NUMB: variants seen among roughly 807,000 people sequenced by gnomAD.
The protein encoded by NUMB is protein numb homolog.
A neutral mutation model predicts 59.7 loss-of-function variants in NUMB; 29 were observed. The ratio of observed to expected loss-of-function variants is 0.49; its 90% CI spans 0.36 to 0.66. NUMB has a LOEUF of 0.66. Among genes scored for constraint, NUMB ranks in the 30% least tolerant of loss-of-function variants. The probability of loss-of-function intolerance (pLI) is 0.00; values close to 1 mark genes in which losing one functional copy is unlikely to be tolerated. For synonymous variants in NUMB, 288 were observed against 288.2 expected (o/e 1.00, Z 0.01); for missense variants, 723 against 822.0 (o/e 0.88, Z 1.47).
At chr14:73,414,718 G>A (rs1300662790) in intron 1 of NUMB, among the ~76,000 whole-genome samples, 1 of 152,004 alleles carries the variant, frequency 6.6e-6, no homozygotes, top group Non-Finnish European at 1.5e-5. Context: ...CTGGGGGCGG[G>A]TGCGGGGGGG....
chr14:73,432,900 CAGAA>C lies in NUMB; in HGVS notation c.-232-22836_-232-22833del, dbSNP rs533618998. On this transcript the variant is annotated intron_variant, in intron 1 of 12. Coordinates refer to ENST00000555238, the MANE Select transcript of NUMB (RefSeq NM_001005743.2). Reference sequence around the variant, plus strand: ...CTGTGGTCTCAGTATGCAGGGAACTCAGAAAGAAAGAAGAGAATTTTTGACCAGA... The same window carrying C: ...CTGTGGTCTCAGTATGCAGGGAACTCAGAAAGAAGAGAATTTTTGACCAGA... Among the ~76,000 whole-genome samples the C allele has an allele frequency of 1.6e-3, 246 of 152,182 alleles. 2 individuals are homozygous for C. The highest frequency in any genetic ancestry group is 2.7e-3 in the Non-Finnish European group (184 of 68,018).
chr14:73,276,919 A>G lies in NUMB; in HGVS notation c.1615T>C (p.Phe539Leu). The G allele has an allele frequency of 1.2e-6, 2 of 1,614,136 alleles. No individual in the cohort carries two copies. Among genetic ancestry groups the G allele is most frequent in the African/African-American group, 1.3e-5 (1 of 75,040 alleles). ...ITPSQMVANV[F>L]GTAGHPQAAH... The stretch of plus-strand genomic sequence containing the variant: ...GCCTGAGGGTGGCCTGCAGTGCCAA[A>G]TACGTTGGCCACCATCTGGGAGGGA... Residue 539 changes from phenylalanine (F) to leucine (L), a missense_variant, in exon 13 of 13, where the codon TTT becomes CTT. Physicochemically the swap from Phe to Leu is conservative, Grantham distance 22. Around this residue, in one of 2 missense-constraint regions of NUMB, gnomAD observed 406 missense variants for 385.4 expected, o/e 1.05. Coordinates refer to ENST00000555238, the MANE Select transcript of NUMB (RefSeq NM_001005743.2).
intron 4 of NUMB, among the ~76,000 whole-genome samples, chr14:73,323,953 A>T (rs955519148): frequency 6.6e-6 from 1 of 152,152 alleles, no homozygotes; most frequent in Non-Finnish European, 1.5e-5. Context: ...CCAAGGTCTG[A>T]CCTTCTCTTG....
chr14:73,445,290 G>A (rs1883391334), intron 1 of NUMB, among the ~76,000 whole-genome samples: 1 of 133,482 alleles, frequency 7.5e-6, no homozygotes, highest in Non-Finnish European at 1.5e-5. Context: ...AGGAGTTTAA[G>A]GCTGCAGTTA....
chr14:73,320,633 A>T (rs997645289), intron 5 of NUMB, among the ~76,000 whole-genome samples: 2 of 152,206 alleles, frequency 1.3e-5, no homozygotes, highest in Non-Finnish European at 2.9e-5. Flanking sequence ...ATAATATTTG[A>T]TTATGGTTAT....
chr14:73,303,697 A>T (rs1008168471), intron 6 of NUMB, among the ~76,000 whole-genome samples: 1 of 152,240 alleles, frequency 6.6e-6, no homozygotes, highest in Non-Finnish European at 1.5e-5. Flanking sequence ...CGCTGCTCTA[A>T]CACTTTCTAC....
chr14:73,397,702 A>G (rs1210189461), intron 2 of NUMB, among the ~76,000 whole-genome samples: 5 of 152,244 alleles, frequency 3.3e-5, no homozygotes. Flanking sequence ...AAAATCTATT[A>G]ACAATTAAAA....
At chr14:73,445,684 A>C (rs79713419) in intron 1 of NUMB, among the ~76,000 whole-genome samples, 18,013 of 152,196 alleles carry the variant, frequency 0.12, 1,603 homozygotes, top group Non-Finnish European at 0.17. Flanking sequence ...CAGTATGTTA[A>C]ATTGTTTAAC....
Position 73,277,147 on chromosome 14 carries a change from G to C in NUMB, c.1387C>G (p.Leu463Val). 2 of 1,614,020 alleles carry C rather than the reference G, an allele frequency of 1.2e-6. No homozygotes were observed. Among genetic ancestry groups the C allele is most frequent in the East Asian group, 2.2e-5 (1 of 44,882 alleles). Residue 463 changes from leucine (L) to valine (V), a missense_variant, in exon 13 of 13, where the codon CTG becomes GTG. Physicochemically the swap from Leu to Val is conservative, Grantham distance 32 (BLOSUM62 1). Transcript: ENST00000555238. ...GGAGGAGGCTGGAGAACTGGCTGCA[G>C]AGGAGCAGCTGAGGCCTGGGGCTGC... Reference protein sequence around the residue: ...AQQPQASAAPLQPVLQPPPPT... With the variant: ...AQQPQASAAPVQPVLQPPPPT...
intron 4 of NUMB, among the ~76,000 whole-genome samples, chr14:73,325,367 T>A (rs965099454): frequency 1.9e-4 from 29 of 152,096 alleles, no homozygotes. Flanking sequence ...GGCAGAAGGA[T>A]TGCTTAAGCC....
intron 4 of NUMB, among the ~76,000 whole-genome samples, chr14:73,347,794 T>C (rs1892994883): frequency 6.6e-6 from 1 of 152,172 alleles, no homozygotes; most frequent in South Asian, 2.1e-4. Context: ...TCTATGTTGG[T>C]ATTCTTCAAA....
At chr14:73,446,423 T>C (rs1000875373) in intron 1 of NUMB, among the ~76,000 whole-genome samples, 10 of 151,960 alleles carry the variant, frequency 6.6e-5, no homozygotes, top group African/African-American at 2.4e-4. Context: ...CTGGCCAATA[T>C]GGTGAAACCC....
At chr14:73,368,539 C>T (rs1894499465) in intron 2 of NUMB, among the ~76,000 whole-genome samples, 1 of 151,464 alleles carries the variant, frequency 6.6e-6, no homozygotes, top group South Asian at 2.1e-4. Context: ...GCCGAGATCG[C>T]GCCATTGCAC....
chr14:73,417,551 CAA>C (rs879724639), intron 1 of NUMB, among the ~76,000 whole-genome samples: 6 of 111,084 alleles, frequency 5.4e-5, no homozygotes, highest in Admixed American at 1.8e-4. Flanking sequence ...GACCCTCTCT[CAA>C]AAAAAAAAAA....
chr14:73,424,198 G>A (rs140330493), intron 1 of NUMB, among the ~76,000 whole-genome samples: 1 of 151,982 alleles, frequency 6.6e-6, no homozygotes, highest in East Asian at 1.9e-4. Flanking sequence ...GTCCTAGATT[G>A]AAAAATAAAA....
intron 6 of NUMB, among the ~76,000 whole-genome samples, chr14:73,311,183 G>A (rs1048485961): frequency 1.6e-4 from 24 of 152,172 alleles, no homozygotes; most frequent in African/African-American, 5.8e-4. Context: ...AGCCTCCTGA[G>A]TAGCTGGGAT....
At chr14:73,304,202 C>G (rs937562347) in intron 6 of NUMB, among the ~76,000 whole-genome samples, 3 of 152,206 alleles carry the variant, frequency 2.0e-5, no homozygotes, top group African/African-American at 7.2e-5. Flanking sequence ...ATGACTTTCT[C>G]CTAAATATAA....
chr14:73,387,929 G>A (rs1270407582), intron 2 of NUMB, among the ~76,000 whole-genome samples: 2 of 146,516 alleles, frequency 1.4e-5, no homozygotes, highest in Non-Finnish European at 3.0e-5. Context: ...GATCAGCCTG[G>A]GCAACAAAGC....
At chr14:73,424,009 A>G (rs1769109651) in intron 1 of NUMB, among the ~76,000 whole-genome samples, 1 of 151,396 alleles carries the variant, frequency 6.6e-6, no homozygotes, top group African/African-American at 2.4e-5. Flanking sequence ...CTATTTTGAT[A>G]CATGACAGAA....
Sources: gnomAD v4.1 joint callset for allele counts (sites outside exome capture counted in the v4.1 genomes callset) on GRCh38, gnomAD v4.1.1 for gene constraint, gnomAD v4.1.1 regional missense constraint, MANE v1.5 for transcripts, NCBI Gene and HGNC (gene_info 2026-07-23, HGNC 2026-07-21) for gene names.